Variants in C1orf87 observed in about 807,000 individuals in gnomAD.
The protein encoded by C1orf87 is uncharacterized protein C1orf87.
A neutral mutation model predicts 60.5 loss-of-function variants in C1orf87; 58 were observed. That is an observed-to-expected ratio of 0.96 (90% CI 0.78 to 1.19). The LOEUF (loss-of-function observed/expected upper bound fraction) is 1.19. C1orf87 is among the 50% of genes most tolerant of loss of function. The pLI is 0.00. For missense variants in C1orf87, 673 were observed against 638.6 expected (o/e 1.05, Z -0.58); for synonymous variants, 236 against 227.4 (o/e 1.04, Z -0.34).
At chr1:60,047,817 C>T (rs538660789) in intron 3 of C1orf87, among the ~76,000 whole-genome samples, 159 of 151,082 alleles carry the variant, frequency 1.1e-3, no homozygotes, top group African/African-American at 3.7e-3. Flanking sequence ...ACAGTATCAA[C>T]ATAATGGTCA....
intron 2 of C1orf87, among the ~76,000 whole-genome samples, chr1:60,067,562 T>G: frequency 9.1e-6 from 1 of 109,558 alleles, no homozygotes; most frequent in Non-Finnish European, 2.1e-5. Context: ...TTGATGGGGT[T>G]TTTTTTTTTT....
At chr1:60,059,838 A>G (rs1645482458) in intron 2 of C1orf87, among the ~76,000 whole-genome samples, 2 of 152,260 alleles carry the variant, frequency 1.3e-5, no homozygotes, top group Non-Finnish European at 2.9e-5. Flanking sequence ...GACAGCCTAG[A>G]GTGTGCCAAC....
chr1:60,008,799 C>T (rs1277771519), intron 9 of C1orf87: 2 of 424,822 alleles, frequency 4.7e-6, no homozygotes, highest in African/African-American at 4.1e-5. Flanking sequence ...CAAGTGCAGC[C>T]ACCTTCTTAG....
chr1:60,010,556 T>C lies in C1orf87; in HGVS notation c.1128-100A>G. The stretch of plus-strand genomic sequence containing the variant: ...ATATTGGTAGTGATATTGAATAAGC[T>C]TTTTGATACTTCTATCATTTAAGGT... On this transcript the variant is annotated intron_variant, in intron 8 of 11. Transcript: ENST00000371201. 3.1e-6 allele frequency: 3 copies of C among 978,250 alleles called. No homozygotes were observed. In the South Asian group the frequency reaches 4.2e-5, roughly 14 times the overall value. 60.6% of individuals were successfully genotyped at this position (978,250 alleles called of 1,614,324 possible).
intron 2 of C1orf87, among the ~76,000 whole-genome samples, chr1:60,069,985 C>T (rs1170649849): frequency 6.6e-6 from 1 of 152,184 alleles, no homozygotes; most frequent in Non-Finnish European, 1.5e-5. Flanking sequence ...TGGAGATATG[C>T]TGCCACAAGC....
intron 2 of C1orf87, among the ~76,000 whole-genome samples, chr1:60,062,581 G>T (rs1645504455): frequency 6.6e-6 from 1 of 151,890 alleles, no homozygotes; most frequent in East Asian, 1.9e-4. Flanking sequence ...TTATTATCCT[G>T]CAGGTTGAAT....
intron 7 of C1orf87, among the ~76,000 whole-genome samples, chr1:60,032,726 C>A (rs1167084891): frequency 2.0e-5 from 3 of 152,082 alleles, no homozygotes; most frequent in African/African-American, 7.2e-5. Context: ...GCATGAGCCA[C>A]CACGCCTGGC....
At chr1:60,061,429 TATCTCTACACCAAC>T (rs1014816897) in intron 2 of C1orf87, among the ~76,000 whole-genome samples, 2 of 152,134 alleles carry the variant, frequency 1.3e-5, no homozygotes, top group African/African-American at 4.8e-5. Flanking sequence ...CCAATACTTC[TATCTCTACACCAAC>T]ATTTTAAATG....
intron 9 of C1orf87, among the ~76,000 whole-genome samples, chr1:60,003,245 C>G (rs1645019692): frequency 2.2e-5 from 3 of 138,874 alleles, no homozygotes; most frequent in Non-Finnish European, 3.1e-5. Flanking sequence ...ACCGCATATT[C>G]TCACTCATAG....
At chr1:60,023,519 C>A (rs909590829) in intron 8 of C1orf87, among the ~76,000 whole-genome samples, 1 of 151,918 alleles carries the variant, frequency 6.6e-6, no homozygotes, top group Non-Finnish European at 1.5e-5. Flanking sequence ...TTAAAATAAA[C>A]CTCATTTTTT....
chr1:60,064,659 A>C (rs1385862011), intron 2 of C1orf87, among the ~76,000 whole-genome samples: 1 of 109,164 alleles, frequency 9.2e-6, no homozygotes, highest in Non-Finnish European at 1.7e-5. Flanking sequence ...TATATATTAA[A>C]TATATAATTA....
chr1:60,033,079 C>A (rs895897877), intron 7 of C1orf87, among the ~76,000 whole-genome samples: 4 of 152,146 alleles, frequency 2.6e-5, no homozygotes, highest in African/African-American at 4.8e-5. Context: ...CCTCTATTGG[C>A]AGTAAATTAC....
At chr1:60,026,725 A>G (rs1188316740) in intron 7 of C1orf87, among the ~76,000 whole-genome samples, 1 of 152,198 alleles carries the variant, frequency 6.6e-6, no homozygotes, top group Non-Finnish European at 1.5e-5. Flanking sequence ...CAACTACTAA[A>G]ATTAGCTATT....
rs1574314149 is a variant in C1orf87, at chr1:60,037,638, G to C, written c.863+354C>G. On this transcript the variant is annotated intron_variant, in intron 6 of 11. Coordinates refer to ENST00000371201, the MANE Select transcript of C1orf87 (RefSeq NM_152377.3). Reference sequence around the variant, plus strand: ...CTATGACCTCATCGCCTCCTATTAGGTCCCATCTCCCAGGGCTGTTGTTGC... The same window carrying C: ...CTATGACCTCATCGCCTCCTATTAGCTCCCATCTCCCAGGGCTGTTGTTGC... Among the ~76,000 whole-genome samples the C allele has an allele frequency of 2.0e-5, 3 of 152,294 alleles. No homozygotes were observed. The East Asian group carries it at 5.8e-4, about 29-fold the overall frequency.
intron 3 of C1orf87, among the ~76,000 whole-genome samples, chr1:60,041,971 CTGTT>C (rs552816630): frequency 1.8e-4 from 27 of 152,308 alleles, no homozygotes; most frequent in African/African-American, 6.3e-4. Context: ...TAGTCCTAAG[CTGTT>C]TGTTCTGCCC....
chr1:60,018,169 G>T (rs182914520), intron 8 of C1orf87, among the ~76,000 whole-genome samples: 2 of 152,324 alleles, frequency 1.3e-5, no homozygotes, highest in Admixed American at 1.3e-4. Flanking sequence ...CTTCTAAAAT[G>T]TGTGTCTAAA....
chr1:60,048,678 C>G (rs1268986041), intron 3 of C1orf87, among the ~76,000 whole-genome samples: 1 of 152,006 alleles, frequency 6.6e-6, no homozygotes, highest in Non-Finnish European at 1.5e-5. Flanking sequence ...ATTTTTTATC[C>G]ATTCATCATG....
intron 7 of C1orf87, among the ~76,000 whole-genome samples, chr1:60,026,679 A>C (rs1645200209): frequency 6.6e-6 from 1 of 152,168 alleles, no homozygotes; most frequent in Non-Finnish European, 1.5e-5. Flanking sequence ...TCTAATAGTA[A>C]CTACATAAAA....
chr1:60,049,354 G>T (rs1022941975), intron 3 of C1orf87, among the ~76,000 whole-genome samples: 1 of 152,002 alleles, frequency 6.6e-6, no homozygotes, highest in African/African-American at 2.4e-5. Context: ...CTTATTAAAA[G>T]CAAGTCCACA....
Sources: allele counts gnomAD v4.1 joint callset (sites outside exome capture counted in the v4.1 genomes callset), GRCh38; gene constraint gnomAD v4.1.1; transcripts MANE v1.5; gene names NCBI Gene and HGNC (gene_info 2026-07-23, HGNC 2026-07-21).